SCHIP1: variants seen among roughly 807,000 people sequenced by gnomAD.
SCHIP1 encodes schwannomin-interacting protein 1.
A neutral mutation model predicts 29.7 loss-of-function variants in SCHIP1; 8 were observed. The ratio of observed to expected loss-of-function variants is 0.27; its 90% CI spans 0.16 to 0.49. The LOEUF is 0.49. Ranked by LOEUF, SCHIP1 falls within the 20% of genes least tolerant of loss-of-function variation. SCHIP1 has a pLI of 0.99. For synonymous variants in SCHIP1, 76 were observed against 94.9 expected, an observed-to-expected ratio of 0.80 and a Z score of 1.16; for missense variants, 193 against 294.6, an observed-to-expected ratio of 0.66 and a Z score of 2.52.
the SCHIP1 span, among the ~76,000 whole-genome samples, chr3:159,693,162 CTG>C: frequency 6.6e-6 from 1 of 152,038 alleles, no homozygotes. Flanking sequence ...TAGGGAGGGG[CTG>C]TTTTTAATGA....
chr3:159,570,494 A>G, the SCHIP1 span, among the ~76,000 whole-genome samples: 838 of 152,082 alleles, frequency 5.5e-3, 9 homozygotes, highest in African/African-American at 0.02. Flanking sequence ...GTTCTGTTCT[A>G]TTGGTCTATA....
At chr3:159,781,404 G>C in the SCHIP1 span, among the ~76,000 whole-genome samples, 117 of 152,264 alleles carry the variant, frequency 7.7e-4, no homozygotes, top group African/African-American at 2.7e-3. Context: ...TCGAACTCCT[G>C]ATCTCAGGTG....
the SCHIP1 span, among the ~76,000 whole-genome samples, chr3:159,626,131 TAGATAG>T: frequency 8.3e-6 from 1 of 120,218 alleles, no homozygotes; most frequent in Non-Finnish European, 1.5e-5. Context: ...GATAGATAGA[TAGATAG>T]ATATATCTAG....
the SCHIP1 span, among the ~76,000 whole-genome samples, chr3:159,591,967 GC>G: frequency 1.4e-5 from 2 of 147,998 alleles, no homozygotes; most frequent in African/African-American, 2.5e-5. Context: ...AATGTGGAGG[GC>G]CCTCAAAAAA....
At chr3:159,598,346 C>A in the SCHIP1 span, among the ~76,000 whole-genome samples, 1 of 152,140 alleles carries the variant, frequency 6.6e-6, no homozygotes, top group Non-Finnish European at 1.5e-5. Context: ...CACCTATGAA[C>A]CTGTAATATC....
the SCHIP1 span, among the ~76,000 whole-genome samples, chr3:159,530,704 T>C: frequency 6.6e-5 from 10 of 152,264 alleles, no homozygotes; most frequent in African/African-American, 2.2e-4. Context: ...AGACAACCCA[T>C]TTCCTGCACT....
At chr3:159,332,097 A>G in the SCHIP1 span, among the ~76,000 whole-genome samples, 1 of 152,280 alleles carries the variant, frequency 6.6e-6, no homozygotes, top group South Asian at 2.1e-4. Context: ...ATTTCTTAGC[A>G]TACCACAGTG....
the SCHIP1 span, among the ~76,000 whole-genome samples, chr3:159,718,721 C>T: frequency 1.1e-4 from 16 of 152,066 alleles, no homozygotes; most frequent in Admixed American, 3.9e-4. Flanking sequence ...CACTGCTCAA[C>T]GAAATAAAAG....
At chr3:159,359,923 A>T in the SCHIP1 span, among the ~76,000 whole-genome samples, 2 of 152,358 alleles carry the variant, frequency 1.3e-5, no homozygotes, top group South Asian at 4.1e-4. Flanking sequence ...GCCTGTTGTG[A>T]AAACAGCGAC....
the SCHIP1 span, among the ~76,000 whole-genome samples, chr3:159,580,079 C>A: frequency 6.6e-6 from 1 of 152,138 alleles, no homozygotes; most frequent in Non-Finnish European, 1.5e-5. Flanking sequence ...CTCTAACTTA[C>A]TATACATTTC....
chr3:159,490,785 A>C, the SCHIP1 span, among the ~76,000 whole-genome samples: 1 of 152,194 alleles, frequency 6.6e-6, no homozygotes, highest in South Asian at 2.1e-4. Context: ...AGAGGAATTA[A>C]TCTTTAGATT....
At chr3:159,494,364 A>T in the SCHIP1 span, among the ~76,000 whole-genome samples, 1 of 152,194 alleles carries the variant, frequency 6.6e-6, no homozygotes, top group African/African-American at 2.4e-5. Context: ...TAGCAAGACT[A>T]ATAAAGAAGA....
At chr3:159,694,595 A>T in the SCHIP1 span, among the ~76,000 whole-genome samples, 1 of 137,506 alleles carries the variant, frequency 7.3e-6, no homozygotes, top group African/African-American at 2.7e-5. Flanking sequence ...AAAGAAAGAA[A>T]GAAAGAAAGA....
chr3:159,441,707 C>T, the SCHIP1 span, among the ~76,000 whole-genome samples: 5 of 152,046 alleles, frequency 3.3e-5, no homozygotes, highest in African/African-American at 7.2e-5. Flanking sequence ...ATAGGTGCTA[C>T]GTAGAACATT....
chr3:159,376,334 T>C, the SCHIP1 span, among the ~76,000 whole-genome samples: 1 of 152,274 alleles, frequency 6.6e-6, no homozygotes, highest in Middle Eastern at 3.4e-3. Context: ...TAAATCATGT[T>C]TCTGGGCCAG....
At chr3:159,624,067 G>A in the SCHIP1 span, among the ~76,000 whole-genome samples, 12 of 152,044 alleles carry the variant, frequency 7.9e-5, no homozygotes, top group Non-Finnish European at 1.3e-4. Context: ...ATATGGCAAA[G>A]GTATCTTGTG....
At chr3:159,609,587 T>A in the SCHIP1 span, among the ~76,000 whole-genome samples, 2 of 152,040 alleles carry the variant, frequency 1.3e-5, no homozygotes, top group East Asian at 1.9e-4. Context: ...TTGTAAGTGA[T>A]AAGTGCCACT....
chr3:159,611,642 C>G, the SCHIP1 span, among the ~76,000 whole-genome samples: 2 of 152,108 alleles, frequency 1.3e-5, no homozygotes, highest in Non-Finnish European at 2.9e-5. Flanking sequence ...CACATATATA[C>G]CCATGTAACA....
At chr3:159,624,920 T>C in the SCHIP1 span, among the ~76,000 whole-genome samples, 1 of 152,182 alleles carries the variant, frequency 6.6e-6, no homozygotes, top group African/African-American at 2.4e-5. Context: ...TTATACCCTC[T>C]AAAACCCTCA....
Sources: allele counts gnomAD v4.1 joint callset (sites outside exome capture counted in the v4.1 genomes callset), GRCh38; gene constraint gnomAD v4.1.1; transcripts MANE v1.5; gene names NCBI Gene and HGNC (gene_info 2026-07-23, HGNC 2026-07-21).